Variants in MACROD2 observed in about 807,000 individuals in gnomAD.
MACROD2 encodes ADP-ribose glycohydrolase MACROD2.
In MACROD2, 36 loss-of-function variants were observed where a neutral mutation model predicts 70.4. The observed-to-expected ratio is 0.51, with a 90% CI of 0.39 to 0.68. The LOEUF is 0.68. MACROD2 is among the 30% of genes least tolerant of loss of function. The pLI is 0.00. For missense variants in MACROD2, 496 were observed against 538.4 expected (o/e 0.92, Z 0.78); for synonymous variants, 172 against 178.8 (o/e 0.96, Z 0.30).
intron 3 of MACROD2, among the ~76,000 whole-genome samples, chr20:14,355,165 T>TTGAG (rs1316588765): frequency 1.3e-5 from 2 of 152,212 alleles, no homozygotes; most frequent in Non-Finnish European, 2.9e-5. Flanking sequence ...TCTAAGTTCT[T>TTGAG]TGAGAAACCT....
intron 5 of MACROD2, among the ~76,000 whole-genome samples, chr20:15,136,657 G>A (rs2076150467): frequency 6.6e-6 from 1 of 151,810 alleles, no homozygotes; most frequent in Admixed American, 6.6e-5. Context: ...CATGGGCAAG[G>A]ACTTCATGTC....
At chr20:16,005,752 G>T (rs940056934) in intron 15 of MACROD2, among the ~76,000 whole-genome samples, 2 of 152,146 alleles carry the variant, frequency 1.3e-5, no homozygotes, top group Non-Finnish European at 2.9e-5. Context: ...CACAGTTGTT[G>T]TTGCCTAGCT....
chr20:14,463,441 A>T (rs944060074), intron 3 of MACROD2, among the ~76,000 whole-genome samples: 1 of 151,992 alleles, frequency 6.6e-6, no homozygotes, highest in Admixed American at 6.6e-5. Context: ...TTGGGCTGAG[A>T]TGATGGGGTT....
At chr20:15,632,327 G>A (rs1447851692) in intron 8 of MACROD2, among the ~76,000 whole-genome samples, 3 of 152,122 alleles carry the variant, frequency 2.0e-5, no homozygotes, top group Non-Finnish European at 2.9e-5. Context: ...CACATACTCT[G>A]TATAAAGCCA....
At chr20:15,570,187 C>T (rs1431699244) in intron 8 of MACROD2, among the ~76,000 whole-genome samples, 1 of 152,042 alleles carries the variant, frequency 6.6e-6, no homozygotes, top group African/African-American at 2.4e-5. Flanking sequence ...TTCTCTACAG[C>T]CTTGCCAACA....
intron 5 of MACROD2, among the ~76,000 whole-genome samples, chr20:15,177,599 T>C (rs2076471790): frequency 6.6e-6 from 1 of 152,194 alleles, no homozygotes; most frequent in Admixed American, 6.5e-5. Context: ...TTTTTTCTGT[T>C]TTCCCAGTCA....
intron 2 of MACROD2, among the ~76,000 whole-genome samples, chr20:14,083,367 A>G (rs2423773): frequency 0.99 from 149,842 of 151,746 alleles, 73,990 homozygotes; most frequent in East Asian, 1. Flanking sequence ...AGGTTGCAGT[A>G]AGCTGAGACT....
At chr20:15,395,813 G>A (rs2045853184) in intron 6 of MACROD2, among the ~76,000 whole-genome samples, 1 of 152,150 alleles carries the variant, frequency 6.6e-6, no homozygotes, top group Non-Finnish European at 1.5e-5. Context: ...AGTCACTTTT[G>A]GTGTCCTTCT....
intron 5 of MACROD2, among the ~76,000 whole-genome samples, chr20:15,184,106 T>C (rs1248844131): frequency 6.6e-6 from 1 of 152,126 alleles, no homozygotes; most frequent in Non-Finnish European, 1.5e-5. Context: ...TAAAAATTAT[T>C]AGCAACAAAA....
intron 5 of MACROD2, among the ~76,000 whole-genome samples, chr20:14,824,620 G>T (rs2072882265): frequency 6.6e-6 from 1 of 152,070 alleles, no homozygotes; most frequent in Non-Finnish European, 1.5e-5. Flanking sequence ...GCTTTTCACA[G>T]AATGGCAGCT....
rs572663032 is a variant in MACROD2, at chr20:15,900,653, G to A, written c.775+14842G>A. On this transcript the variant is annotated intron_variant, in intron 10 of 17. Coordinates refer to ENST00000684519, the MANE Select transcript of MACROD2 (RefSeq NM_001351661.2). ...GAGAAACCACAGGTTCTGTTTGACT[G>A]GGAACGATCCCAATTTATGCATGTT... is the stretch of plus-strand genomic sequence containing the variant. Among the ~76,000 whole-genome samples the A allele has an allele frequency of 8.5e-5, 13 of 152,262 alleles. No homozygotes were observed. In the East Asian group the frequency reaches 2.5e-3, roughly 29 times the overall value.
At chr20:15,021,975 C>T (rs1353715524) in intron 5 of MACROD2, among the ~76,000 whole-genome samples, 2 of 152,000 alleles carry the variant, frequency 1.3e-5, no homozygotes, top group African/African-American at 2.4e-5. Context: ...CAGCTCAATT[C>T]TTCTGTAAGC....
chr20:15,511,377 CTT>C (rs2047497215), intron 8 of MACROD2, among the ~76,000 whole-genome samples: 1 of 152,094 alleles, frequency 6.6e-6, no homozygotes, highest in Admixed American at 6.5e-5. Flanking sequence ...GATGTAAAGA[CTT>C]TTAGTTGTTG....
chr20:14,759,746 G>A (rs1341065639), intron 5 of MACROD2, among the ~76,000 whole-genome samples: 1 of 152,092 alleles, frequency 6.6e-6, no homozygotes, highest in Non-Finnish European at 1.5e-5. Flanking sequence ...TAGATACGCA[G>A]GTTCTTGTAG....
chr20:15,424,385 A>G (rs965864693), intron 6 of MACROD2, among the ~76,000 whole-genome samples: 1 of 152,186 alleles, frequency 6.6e-6, no homozygotes, highest in African/African-American at 2.4e-5. Flanking sequence ...AGTTAACGGC[A>G]TGATGGCACA....
intron 4 of MACROD2, among the ~76,000 whole-genome samples, chr20:14,634,951 T>C (rs1249678298): frequency 6.6e-6 from 1 of 152,158 alleles, no homozygotes; most frequent in African/African-American, 2.4e-5. Context: ...GGGAGAACTT[T>C]TGTTCTAGTC....
At chr20:15,229,782 ATCT>A (rs1435664431) in intron 5 of MACROD2, among the ~76,000 whole-genome samples, 155 bp from the exon 6 acceptor site, 3 of 152,212 alleles carry the variant, frequency 2.0e-5, no homozygotes, top group Non-Finnish European at 4.4e-5. Flanking sequence ...GCTACTTAAG[ATCT>A]TCTACCAGAG....
At chr20:15,897,215 A>G (rs1000695948) in intron 10 of MACROD2, among the ~76,000 whole-genome samples, 3 of 152,154 alleles carry the variant, frequency 2.0e-5, no homozygotes, top group East Asian at 1.9e-4. Flanking sequence ...TTTGAGATTG[A>G]TGGTTATTTT....
intron 9 of MACROD2, among the ~76,000 whole-genome samples, chr20:15,867,543 A>G (rs953092328): frequency 6.6e-6 from 1 of 152,206 alleles, no homozygotes; most frequent in African/African-American, 2.4e-5. Flanking sequence ...TAATATTTGT[A>G]TGATTCAACT....
Sources: allele counts gnomAD v4.1 joint callset (sites outside exome capture counted in the v4.1 genomes callset), GRCh38; gene constraint gnomAD v4.1.1; transcripts MANE v1.5; gene names NCBI Gene and HGNC (gene_info 2026-07-23, HGNC 2026-07-21).